The following CNTN5 variants were observed in gnomAD, a reference collection of about 807,000 sequenced individuals.
CNTN5 encodes contactin-5.
Under a neutral mutation model 129.1 loss-of-function variants are expected in CNTN5, and 77 were observed. That is an observed-to-expected ratio of 0.60 (90% CI 0.50 to 0.72). The LOEUF is 0.72. CNTN5 is among the 30% of genes least tolerant of loss of function. CNTN5 has a pLI of 0.00. For missense variants in CNTN5, 1,478 were observed against 1,328.8 expected (o/e 1.11, Z -1.75); for synonymous variants, 509 against 465.6 (o/e 1.09, Z -1.20).
At chr11:99,483,403 C>A (rs997326359) in intron 2 of CNTN5, among the ~76,000 whole-genome samples, 2 of 152,156 alleles carry the variant, frequency 1.3e-5, no homozygotes. Context: ...TGCGCATGCT[C>A]ACTTGAGGCA....
At chr11:99,085,196 C>A (rs1865957298) in intron 1 of CNTN5, among the ~76,000 whole-genome samples, 1 of 151,406 alleles carries the variant, frequency 6.6e-6, no homozygotes, top group African/African-American at 2.4e-5. Flanking sequence ...AGGCAGGTAC[C>A]CCCACGCCCA....
intron 6 of CNTN5, among the ~76,000 whole-genome samples, chr11:99,854,499 C>T (rs138802852): frequency 0.01 from 1,558 of 152,060 alleles, 32 homozygotes; most frequent in African/African-American, 0.036. Flanking sequence ...TGAAAATAAA[C>T]GAGAATTTGT....
chr11:100,095,387 CTTTA>C (rs148382133), intron 13 of CNTN5, among the ~76,000 whole-genome samples: 6,284 of 151,990 alleles, frequency 0.041, 420 homozygotes, highest in African/African-American at 0.14. Context: ...TATAATTGTT[CTTTA>C]TTTATTAAAA....
chr11:99,897,006 A>C (rs1255457999), intron 6 of CNTN5, among the ~76,000 whole-genome samples: 1 of 152,132 alleles, frequency 6.6e-6, no homozygotes, highest in Non-Finnish European at 1.5e-5. Context: ...GTACCAGCCC[A>C]TCCCTCCCCA....
chr11:99,064,068 A>C (rs1865001520), intron 1 of CNTN5, among the ~76,000 whole-genome samples: 1 of 152,100 alleles, frequency 6.6e-6, no homozygotes, highest in African/African-American at 2.4e-5. Context: ...TGCTGGGTCA[A>C]ATTTACCACA....
At chr11:99,119,044 C>T (rs189548667) in intron 1 of CNTN5, among the ~76,000 whole-genome samples, 1 of 151,980 alleles carries the variant, frequency 6.6e-6, no homozygotes, top group African/African-American at 2.4e-5. Flanking sequence ...CCTATGAAGG[C>T]CTCACAATGA....
At chr11:99,281,616 C>A (rs547367112) in intron 1 of CNTN5, among the ~76,000 whole-genome samples, 73 of 152,002 alleles carry the variant, frequency 4.8e-4, no homozygotes, top group African/African-American at 1.7e-3. Context: ...GTCTTTATAA[C>A]TTCTATGTCA....
intron 1 of CNTN5, among the ~76,000 whole-genome samples, chr11:99,183,391 G>T (rs2135571132): frequency 6.6e-6 from 1 of 152,268 alleles, no homozygotes; most frequent in African/African-American, 2.4e-5. Flanking sequence ...CCACTGAAGT[G>T]ATTTTTGCAG....
At chr11:100,015,517 C>G (rs150999930) in intron 9 of CNTN5, among the ~76,000 whole-genome samples, 47 of 152,202 alleles carry the variant, frequency 3.1e-4, no homozygotes, top group Non-Finnish European at 5.9e-4. Context: ...GCACACACTT[C>G]CCTGTGGTCT....
At chr11:99,092,702 T>A (rs1314478783) in intron 1 of CNTN5, among the ~76,000 whole-genome samples, 1 of 152,028 alleles carries the variant, frequency 6.6e-6, no homozygotes, top group Non-Finnish European at 1.5e-5. Context: ...TGGTAAAAGT[T>A]GTGTATGTTA....
At chr11:99,022,790 A>G (rs954504064) in intron 1 of CNTN5, among the ~76,000 whole-genome samples, 5 of 152,192 alleles carry the variant, frequency 3.3e-5, no homozygotes, top group African/African-American at 9.6e-5. Context: ...AGCCTATCTG[A>G]AAATAGAAAG....
intron 3 of CNTN5, among the ~76,000 whole-genome samples, chr11:99,619,652 A>G (rs72997276): frequency 0.058 from 8,801 of 152,246 alleles, 345 homozygotes; most frequent in Non-Finnish European, 0.083. Context: ...ATCGAGGCCT[A>G]GTAAATAAGT....
intron 15 of CNTN5, among the ~76,000 whole-genome samples, chr11:100,208,324 G>T (rs531888915): frequency 2.0e-5 from 3 of 152,056 alleles, no homozygotes; most frequent in African/African-American, 7.2e-5. Context: ...CAAGACTCAC[G>T]CATCTGCAAT....
At chr11:99,684,048 C>T (rs2134734214) in intron 3 of CNTN5, among the ~76,000 whole-genome samples, 1 of 151,796 alleles carries the variant, frequency 6.6e-6, no homozygotes, top group Non-Finnish European at 1.5e-5. Flanking sequence ...TTGACCTTAA[C>T]TTCTCATAAG....
intron 3 of CNTN5, among the ~76,000 whole-genome samples, chr11:99,727,616 TAAGGG>T (rs1943396510): frequency 6.6e-6 from 1 of 151,682 alleles, no homozygotes; most frequent in Admixed American, 6.6e-5. Context: ...AAAAATCAAT[TAAGGG>T]AAGGAAATTA....
At chr11:99,833,557 G>A (rs867551822) in intron 4 of CNTN5, among the ~76,000 whole-genome samples, 37 of 152,128 alleles carry the variant, frequency 2.4e-4, no homozygotes, top group African/African-American at 8.9e-4. Flanking sequence ...CTTTAAAGTA[G>A]GCTAGGATAA....
chr11:99,411,569 A>C (rs1273939268), intron 2 of CNTN5, among the ~76,000 whole-genome samples: 1 of 152,266 alleles, frequency 6.6e-6, no homozygotes. Context: ...ATTAGAAAGA[A>C]GCTCTTTTTA....
intron 3 of CNTN5, among the ~76,000 whole-genome samples, chr11:99,783,836 G>A (rs1055711676): frequency 1.3e-5 from 2 of 151,628 alleles, no homozygotes; most frequent in South Asian, 2.1e-4. Flanking sequence ...GGGTGGAGTG[G>A]GGAGGGATTG....
At chr11:99,989,748 T>C (rs76771954) in intron 8 of CNTN5, among the ~76,000 whole-genome samples, 4,370 of 152,234 alleles carry the variant, frequency 0.029, 195 homozygotes, top group East Asian at 0.2. Context: ...TGTTATAAAA[T>C]TTTAAAAGTT....
Sources: allele counts gnomAD v4.1 joint callset (sites outside exome capture counted in the v4.1 genomes callset), GRCh38; gene constraint gnomAD v4.1.1; transcripts MANE v1.5; gene names NCBI Gene and HGNC (gene_info 2026-07-23, HGNC 2026-07-21).